The following RORA variants were observed in gnomAD, a reference collection of about 807,000 sequenced individuals.
RORA encodes nuclear receptor ROR-alpha.
RORA carries 7 observed loss-of-function variants against 69.5 expected under a neutral mutation model. The observed-to-expected ratio is 0.10, with a 90% CI of 0.06 to 0.19. The LOEUF (loss-of-function observed/expected upper bound fraction) is 0.19. RORA is among the 10% of genes least tolerant of loss of function. RORA has a pLI of 1.00. For synonymous variants in RORA, 261 were observed against 240.8 expected, an observed-to-expected ratio of 1.08 and a Z score of -0.78; for missense variants, 457 against 663.0, an observed-to-expected ratio of 0.69 and a Z score of 3.41.
chr15:60,544,318 T>C (rs578130272), intron 2 of RORA, among the ~76,000 whole-genome samples: 1 of 152,300 alleles, frequency 6.6e-6, no homozygotes, highest in South Asian at 2.1e-4. Flanking sequence ...GGAAAAGGGA[T>C]AGAAAGTGGA....
intron 1 of RORA, among the ~76,000 whole-genome samples, chr15:60,909,371 C>G (rs977628722): frequency 6.6e-6 from 1 of 152,180 alleles, no homozygotes; most frequent in Non-Finnish European, 1.5e-5. Flanking sequence ...TGTGTCAAAG[C>G]TCTGGATACT....
At chr15:60,790,979 C>A (rs1197872606) in intron 1 of RORA, among the ~76,000 whole-genome samples, 26 of 152,112 alleles carry the variant, frequency 1.7e-4, no homozygotes, top group Admixed American at 1.6e-3. Context: ...CCATTGCCCC[C>A]CCAAAAAGCT....
chr15:61,100,923 C>T (rs2078869723), intron 1 of RORA, among the ~76,000 whole-genome samples: 1 of 152,172 alleles, frequency 6.6e-6, no homozygotes, highest in African/African-American at 2.4e-5. Context: ...GTACTCAGAC[C>T]ACCCTGTATA....
At chr15:60,520,249 G>A (rs993126601) in intron 3 of RORA, 1 of 152,176 alleles carries the variant, frequency 6.6e-6, no homozygotes, top group Admixed American at 6.5e-5. Context: ...TCAGATGCGA[G>A]AGGTGAAGTG....
At chr15:61,098,900 A>G (rs2078837271) in intron 1 of RORA, among the ~76,000 whole-genome samples, 2 of 152,258 alleles carry the variant, frequency 1.3e-5, no homozygotes, top group South Asian at 2.1e-4. Flanking sequence ...TCTTTTGTTT[A>G]AAATTCTCTT....
chr15:60,752,279 G>A (rs551276275), intron 1 of RORA, among the ~76,000 whole-genome samples: 1 of 152,090 alleles, frequency 6.6e-6, no homozygotes. Context: ...TTTCCTTCCC[G>A]ATGGCACAAA....
chr15:60,931,613 A>G (rs1348713621), intron 1 of RORA, among the ~76,000 whole-genome samples: 1 of 152,256 alleles, frequency 6.6e-6, no homozygotes, highest in African/African-American at 2.4e-5. Context: ...TTAATGCTCC[A>G]GAGTGTCTTG....
At chr15:60,850,454 TG>T (rs1199187689) in intron 1 of RORA, among the ~76,000 whole-genome samples, 1 of 152,140 alleles carries the variant, frequency 6.6e-6, no homozygotes, top group Admixed American at 6.5e-5. Context: ...ACATGACTCC[TG>T]GGGAGGTTAC....
In RORA at chr15:61,226,629, C is replaced by T. The variant is rs2079590598; in HGVS notation, c.166+2424G>A. Among the ~76,000 whole-genome samples the T allele has an allele frequency of 6.6e-6, 1 of 152,172 alleles. No homozygotes were observed. The highest frequency in any genetic ancestry group is 6.5e-5 in the Admixed American group (1 of 15,270). On this transcript the variant is annotated intron_variant, in intron 1 of 10. Transcript: ENST00000335670. This position sits in a 1 kb window ranked among gnomAD's most constrained non-coding sequence, Gnocchi z 4.2. Reference sequence around the variant, plus strand: ...GCTCACACACATAAAGATTGGTACCCCTGAGGAGCAGATGCTACATCTGAG... The same window carrying T: ...GCTCACACACATAAAGATTGGTACCTCTGAGGAGCAGATGCTACATCTGAG...
At chr15:60,771,290 T>C (rs763857613) in intron 1 of RORA, among the ~76,000 whole-genome samples, 5 of 152,326 alleles carry the variant, frequency 3.3e-5, no homozygotes, top group African/African-American at 1.2e-4. Context: ...CAGGGAAGCC[T>C]TCCCTGAACA....
intron 1 of RORA, among the ~76,000 whole-genome samples, chr15:61,175,541 T>TAAAAAAAAAAA (rs75174095): frequency 6.7e-5 from 8 of 120,214 alleles, no homozygotes; most frequent in Admixed American, 8.7e-5. Context: ...ATCCTGTTTC[T>TAAAAAAAAAAA]AAAAAAAAAA....
At chr15:60,508,032 T>C (rs1003165407) in intron 5 of RORA, among the ~76,000 whole-genome samples, 2 of 152,248 alleles carry the variant, frequency 1.3e-5, no homozygotes, top group African/African-American at 4.8e-5. Context: ...CAACAGCCTT[T>C]CATTCCAATT....
At chr15:61,027,447 G>C (rs1485747591) in intron 1 of RORA, among the ~76,000 whole-genome samples, 1 of 152,122 alleles carries the variant, frequency 6.6e-6, no homozygotes, top group Non-Finnish European at 1.5e-5. Flanking sequence ...CTTTGGCTCG[G>C]CGTTTTGTTT....
chr15:60,786,038 A>G (rs2072329800), intron 1 of RORA, among the ~76,000 whole-genome samples: 1 of 152,234 alleles, frequency 6.6e-6, no homozygotes, highest in Non-Finnish European at 1.5e-5. Context: ...TAACTTCACC[A>G]AAATCTTTTA....
chr15:60,821,303 C>T (rs1164974509), intron 1 of RORA, among the ~76,000 whole-genome samples: 1 of 152,184 alleles, frequency 6.6e-6, no homozygotes, highest in Non-Finnish European at 1.5e-5. Context: ...TCAGTGCTGA[C>T]TCTTGTCCCC....
At chr15:60,734,269 C>G (rs2071469403) in intron 1 of RORA, among the ~76,000 whole-genome samples, 1 of 152,140 alleles carries the variant, frequency 6.6e-6, no homozygotes, top group African/African-American at 2.4e-5. Context: ...TCTCCCCAGT[C>G]CTACTGAATC....
chr15:60,968,374 T>C (rs1334436757), intron 1 of RORA, among the ~76,000 whole-genome samples: 1 of 152,188 alleles, frequency 6.6e-6, no homozygotes, highest in Non-Finnish European at 1.5e-5. Context: ...CCCTCAGAGT[T>C]TCTGATTCAG....
At chr15:60,912,786 A>G (rs369169601) in intron 1 of RORA, among the ~76,000 whole-genome samples, 13 of 107,932 alleles carry the variant, frequency 1.2e-4, no homozygotes, top group African/African-American at 3.9e-4. Context: ...AAACAAAACA[A>G]AACACAACAA....
At chr15:60,558,445 G>C (rs533031874) in intron 2 of RORA, 11 of 567,852 alleles carry the variant, frequency 1.9e-5, no homozygotes, top group Non-Finnish European at 3.4e-5. Flanking sequence ...TCATACACCA[G>C]AATTCAGATC....
Sources: allele counts gnomAD v4.1 joint callset (sites outside exome capture counted in the v4.1 genomes callset), GRCh38; gene constraint gnomAD v4.1.1; non-coding constraint Gnocchi (gnomAD v3.1); transcripts MANE v1.5; gene names NCBI Gene and HGNC (gene_info 2026-07-23, HGNC 2026-07-21).